Variants in APOB observed in about 807,000 individuals in gnomAD.
The protein encoded by APOB is apolipoprotein B, also known as apolipoprotein B-100.
In APOB, 153 loss-of-function variants were observed where a neutral mutation model predicts 314.1. The observed-to-expected ratio is 0.49, with a 90% CI of 0.43 to 0.56. APOB has a LOEUF of 0.56. APOB is among the 20% of genes least tolerant of loss of function. The pLI is 0.00. For missense variants in APOB, 5,430 were observed against 5,350.7 expected, an observed-to-expected ratio of 1.01 and a Z score of -0.46; for synonymous variants, 2,087 against 2,036.4, an observed-to-expected ratio of 1.02 and a Z score of -0.67.
rs1040490924 is a variant in APOB, at chr2:21,007,412, T to C, written c.9456A>G (p.Leu3152=). 3 of 1,614,010 alleles carry C rather than the reference T, an allele frequency of 1.9e-6. No homozygotes were observed. The highest frequency in any genetic ancestry group is 2.5e-6 in the Non-Finnish European group (3 of 1,179,934). Residue 3152 remains leucine, a synonymous_variant, in exon 26 of 29, where the codon CTA becomes CTG. Transcript: ENST00000233242. ...ITTPPLKDFS[L]WEKTGLKEFL... is the part of the protein sequence containing the mutation. ...ATTCCTTCAAGCCTGTTTTTTCCCATAGAGAGAAATCTTTCAGTGGAGGAG... is the reference window on the plus strand; with the variant it reads ...ATTCCTTCAAGCCTGTTTTTTCCCACAGAGAGAAATCTTTCAGTGGAGGAG...
At chr2:21,018,006 A>G (rs1311636888) in intron 20 of APOB, among the ~76,000 whole-genome samples, 1 of 151,898 alleles carries the variant, frequency 6.6e-6, no homozygotes, top group Non-Finnish European at 1.5e-5. Context: ...ATTCCCTAAA[A>G]CCTGCTCCTC....
chr2:21,041,208 C>T (rs570307344), intron 3 of APOB, 125 bp from the exon 4 acceptor site: 44 of 942,300 alleles, frequency 4.7e-5, no homozygotes, highest in South Asian at 5.7e-5. Context: ...CCACTGCCTG[C>T]GCCTCAACAC....
chr2:21,040,225 CTG>C (rs1226959934), intron 4 of APOB, among the ~76,000 whole-genome samples: 2 of 152,224 alleles, frequency 1.3e-5, no homozygotes, highest in African/African-American at 4.8e-5. Flanking sequence ...CCACGTGGAA[CTG>C]TGAGTCCAAT....
rs1663296303 is a variant in APOB, at chr2:21,010,892, G to T, written c.5976C>A (p.Tyr1992Ter). 1.9e-6 allele frequency: 3 copies of T among 1,613,994 alleles called. No homozygotes were observed. The highest frequency in any genetic ancestry group is 1.3e-5 in the African/African-American group (1 of 74,910). The change falls in exon 26 of 29, where the codon TAC (tyrosine) becomes TAA (stop). Residue 1992 changes from tyrosine (Y) to a stop codon, truncating the protein, a stop_gained. Transcript: ENST00000233242. LOFTEE classifies it high-confidence loss of function. ...TGTTGTAAGCATCCAAGTCCTGGCT[G>T]TATTCATTGTTGTTAAATTGGGTCT... ...KLKTQFNNNE[Y>*]SQDLDAYNTK...
At position 21,027,659 on chromosome 2, in the gene APOB, C is replaced by T. The variant is rs577413378; in HGVS notation, c.2067+169G>A. Among the ~76,000 whole-genome samples, 25 of 152,138 alleles carry T rather than the reference C, an allele frequency of 1.6e-4. No individual in the cohort carries two copies. In the South Asian group the frequency reaches 3.5e-3, roughly 21 times the overall value. On this transcript the variant is annotated intron_variant, in intron 14 of 28. Transcript: ENST00000233242. The stretch of plus-strand genomic sequence containing the variant: ...AAGTCATGCTTCAGGTGACCCCTAG[C>T]GGGGAGAGAGGAAGGCGGGGAAGGA...
In APOB at chr2:21,041,100, G is replaced by A; in HGVS notation, c.238-17C>T. 6.2e-7 allele frequency: 1 copy of A among 1,608,756 alleles called. No individual in the cohort carries two copies. The highest frequency in any genetic ancestry group is 8.5e-7 in the Non-Finnish European group (1 of 1,178,550). ...CAGCTCAACCTGAGAATTCAGGGTA[G>A]CAGAGCATTGAGGTTGTCTATCAAG... is the stretch of plus-strand genomic sequence containing the variant. On this transcript the variant is annotated splice_polypyrimidine_tract_variant and intron_variant, in intron 3 of 28. Transcript: ENST00000233242.
At chr2:21,027,091 T>G (rs1663749601) in intron 14 of APOB, 127 bp from the exon 15 acceptor site, 1 of 856,572 alleles carries the variant, frequency 1.2e-6, no homozygotes. Flanking sequence ...GGAGCTGACC[T>G]TAGCATTTCA....
rs373383456 is a variant in APOB, at chr2:21,014,637, G to C, written c.3697-44C>G. On this transcript the variant is annotated intron_variant, in intron 23 of 28. Transcript: ENST00000233242. ...TTTTTAAGGTAATGGGCTTGGATGA[G>C]CCTCAAAGAGCAATGAACATTAGGC... 4.4e-5 allele frequency: 70 copies of C among 1,608,906 alleles called. No homozygotes were observed. In the African/African-American group the frequency reaches 8.6e-4, roughly 20 times the overall value.
chr2:21,027,078 C>T, intron 14 of APOB, 114 bp from the exon 15 acceptor site: 1 of 940,402 alleles, frequency 1.1e-6, no homozygotes, highest in Non-Finnish European at 1.7e-6. Flanking sequence ...ATACCACAGG[C>T]CAGGAGCTGA....
intron 6 of APOB, 138 bp downstream of exon 6, chr2:21,036,962 A>T: frequency 9.1e-7 from 1 of 1,094,124 alleles, no homozygotes; most frequent in Non-Finnish European, 1.4e-6. Context: ...GTGCCTGCTC[A>T]GGGTCCTATC....
At chr2:21,027,670 G>T (rs1572795661) in intron 14 of APOB, among the ~76,000 whole-genome samples, 158 bp downstream of exon 14, 1 of 152,166 alleles carries the variant, frequency 6.6e-6, no homozygotes, top group South Asian at 2.1e-4. Flanking sequence ...GGGGAGAGAG[G>T]AAGGCGGGGA....
At position 21,005,912 on chromosome 2, in the gene APOB, A is replaced by G; in HGVS notation, c.10956T>C (p.Asn3652=). ...GSFQSQVELS[N]DQEKAHLDIA... ...TGTCAAGGTGTGCCTTTTCTTGGTC[A>G]TTGGAAAGCTCGACCTGGCTCTGGA... Residue 3652 remains asparagine (N), a synonymous_variant, in exon 26 of 29, where the codon AAT becomes AAC. Coordinates refer to ENST00000233242, the MANE Select transcript of APOB (RefSeq NM_000384.3). 1.2e-6 allele frequency: 2 copies of G among 1,613,924 alleles called. No homozygotes were observed. Among genetic ancestry groups the G allele is most frequent in the Non-Finnish European group, 1.7e-6 (2 of 1,179,956 alleles).
Position 21,010,179 on chromosome 2 carries a change from T to C in APOB, c.6689A>G (p.His2230Arg). ...VNLVKTIHDLHLFIENIDFNK... is the reference protein window; with the variant it reads ...VNLVKTIHDLRLFIENIDFNK... The stretch of plus-strand genomic sequence containing the variant: ...AAAATCAATATTTTCAATAAACAAA[T>C]GTAGATCATGGATTGTTTTTACTAA... The change falls in exon 26 of 29, where the codon CAT becomes CGT. Residue 2230 changes from histidine (H) to arginine (R), a missense_variant. By Grantham distance (29) the His-to-Arg change is conservative. Transcript: ENST00000233242. 1 of 1,599,144 alleles carries C rather than the reference T, an allele frequency of 6.3e-7. No homozygotes were observed. Among genetic ancestry groups the C allele is most frequent in the Non-Finnish European group, 8.5e-7 (1 of 1,169,606 alleles).
At chr2:21,012,909 T>C (rs1388437212) in intron 25 of APOB, among the ~76,000 whole-genome samples, 1 of 152,244 alleles carries the variant, frequency 6.6e-6, no homozygotes, top group Admixed American at 6.5e-5. Flanking sequence ...CTACACTTTA[T>C]CATAGCACCT....
chr2:21,027,877 A>T lies in APOB; in HGVS notation c.2018T>A (p.Leu673Gln). Residue 673 changes from leucine (L) to glutamine (Q), a missense_variant, in exon 14 of 29, where the codon CTG (leucine) becomes CAG (glutamine). Transcript: ENST00000233242. ...TCCAAAGGCAGTGAGGGTAGTTTTC[A>T]GCATGCTTTCTTTAGGAAGGTAGTT... ...PNNYLPKESMLKTTLTAFGFA... is the reference protein window; with the variant it reads ...PNNYLPKESMQKTTLTAFGFA... The T allele has an allele frequency of 1.2e-6, 2 of 1,614,134 alleles. No homozygotes were observed. Among genetic ancestry groups the T allele is most frequent in the Non-Finnish European group, 1.7e-6 (2 of 1,179,984 alleles).
In APOB at chr2:21,011,251, C is replaced by T. The variant is rs750451480; in HGVS notation, c.5617G>A (p.Ala1873Thr). 9.3e-6 allele frequency: 15 copies of T among 1,614,084 alleles called. No homozygotes were observed. The highest frequency in any genetic ancestry group is 3.3e-5 in the South Asian group (3 of 91,082). The change falls in exon 26 of 29, where the codon GCT becomes ACT. Residue 1873 changes from alanine (A) to threonine (T), a missense_variant. Coordinates refer to ENST00000233242, the MANE Select transcript of APOB (RefSeq NM_000384.3). ...EFSHRLNTDI[A>T]GLASAIDMST... is the part of the protein sequence containing the mutation. ...ATGTCAATGGCTGAAGCCAGCCCAG[C>T]GATGTCTGTGTTGAGCCGATGGCTA...
intron 19 of APOB, 77 bp downstream of exon 19, chr2:21,019,645 AT>A: frequency 2.7e-6 from 4 of 1,457,326 alleles, no homozygotes; most frequent in Non-Finnish European, 3.8e-6. Flanking sequence ...AACACAGAGT[AT>A]TTTTTCCTGT....
chr2:21,038,628 G>A (rs1664061985), intron 4 of APOB, among the ~76,000 whole-genome samples: 3 of 152,228 alleles, frequency 2.0e-5, no homozygotes, highest in Admixed American at 2.0e-4. Flanking sequence ...GAGCCACCAG[G>A]TCCAGCTGTG....
chr2:21,021,319 C>T (rs1166862164), intron 18 of APOB, among the ~76,000 whole-genome samples: 1 of 152,216 alleles, frequency 6.6e-6, no homozygotes, highest in Non-Finnish European at 1.5e-5. Context: ...AATCTGCTCA[C>T]TCCTTTCTAT....
Sources: gnomAD v4.1 joint callset for allele counts (sites outside exome capture counted in the v4.1 genomes callset) on GRCh38, gnomAD v4.1.1 for gene constraint, MANE v1.5 for transcripts, NCBI Gene and HGNC (gene_info 2026-07-23, HGNC 2026-07-21) for gene names.